Variants in VWC2 observed in about 807,000 individuals in gnomAD.
VWC2 encodes von Willebrand factor C domain containing 2, also known as brorin.
In VWC2, 14 loss-of-function variants were observed where a neutral mutation model predicts 29.8. The observed-to-expected ratio is 0.47, with a 90% CI of 0.31 to 0.74. The LOEUF (loss-of-function observed/expected upper bound fraction) is 0.74. Ranked by LOEUF, VWC2 falls within the 30% of genes least tolerant of loss-of-function variation. The pLI is 0.05. For missense variants in VWC2, 457 were observed against 459.8 expected (o/e 0.99, Z 0.05); for synonymous variants, 213 against 199.0 (o/e 1.07, Z -0.59).
At position 49,904,864 on chromosome 7, in the gene VWC2, T is replaced by G. The variant is rs780593664; in HGVS notation, c.827-7170T>G. ...AATTCTCCTGCCTCAGCCTCCCAAG[T>G]AGCTTGGATTATAGGCACCTGCCAC... On this transcript the variant is annotated intron_variant, in intron 3 of 3. Coordinates refer to ENST00000340652, the MANE Select transcript of VWC2 (RefSeq NM_198570.5). 1.1e-3 allele frequency among the ~76,000 whole-genome samples: 161 copies of G among 151,782 alleles called. 1 individual carries two copies. Among genetic ancestry groups the G allele is most frequent in the Non-Finnish European group, 3.2e-4 (22 of 67,956 alleles).
chr7:49,783,245 G>A (rs1274092500), intron 2 of VWC2, among the ~76,000 whole-genome samples: 1 of 152,092 alleles, frequency 6.6e-6, no homozygotes, highest in Admixed American at 6.5e-5. Flanking sequence ...GATGTGACGG[G>A]AAGTAAATGG....
intron 3 of VWC2, among the ~76,000 whole-genome samples, chr7:49,804,665 A>G (rs569051033): frequency 6.6e-6 from 1 of 152,140 alleles, no homozygotes; most frequent in Non-Finnish European, 1.5e-5. Context: ...GCTTTTAGAG[A>G]AATTTCAAAC....
chr7:49,911,122 C>T (rs138218039), intron 3 of VWC2, among the ~76,000 whole-genome samples: 62 of 152,252 alleles, frequency 4.1e-4, no homozygotes, highest in African/African-American at 1.4e-3. Context: ...ATTAATTAAA[C>T]GAAATGGCTG....
At position 49,802,973 on chromosome 7, in the gene VWC2, C is replaced by T. The variant is rs117121472; in HGVS notation, c.826+133C>T. Reference sequence around the variant, plus strand: ...ATGTATCAATACACATGCGTACACACGTGTGTAATCTTTCAGCCACAGTGG... The same window carrying T: ...ATGTATCAATACACATGCGTACACATGTGTGTAATCTTTCAGCCACAGTGG... On this transcript the variant is annotated intron_variant, in intron 3 of 3. Coordinates refer to ENST00000340652, the MANE Select transcript of VWC2 (RefSeq NM_198570.5). 5,092 of 1,120,648 alleles carry T rather than the reference C, an allele frequency of 4.5e-3. 12 individuals are homozygous for T. The highest frequency in any genetic ancestry group is 5.8e-3 in the Non-Finnish European group (4,662 of 799,408). 69.4% of individuals were successfully genotyped at this position (1,120,648 alleles called of 1,614,324 possible). A position where few individuals can be genotyped will look rare whatever the true frequency, so the allele number is the denominator to read the frequency against.
chr7:49,832,668 G>A (rs940451379), intron 3 of VWC2, among the ~76,000 whole-genome samples: 11 of 152,192 alleles, frequency 7.2e-5, no homozygotes, highest in Non-Finnish European at 1.5e-4. Flanking sequence ...GCACAAGTCT[G>A]TCTATTCTGG....
chr7:49,886,265 G>C (rs550346958), intron 3 of VWC2, among the ~76,000 whole-genome samples: 9 of 152,290 alleles, frequency 5.9e-5, no homozygotes, highest in African/African-American at 2.2e-4. Context: ...ATCACTTTTA[G>C]TAAAAGTCCT....
intron 3 of VWC2, among the ~76,000 whole-genome samples, chr7:49,882,907 A>G (rs146740265): frequency 1.3e-3 from 196 of 151,470 alleles, no homozygotes; most frequent in African/African-American, 4.6e-3. Flanking sequence ...ATTTTCCTCT[A>G]TCTTAAACTC....
chr7:49,794,170 T>C (rs1788529525), intron 2 of VWC2, among the ~76,000 whole-genome samples: 1 of 152,194 alleles, frequency 6.6e-6, no homozygotes, highest in Admixed American at 6.5e-5. Flanking sequence ...AAAGCCCTTT[T>C]GCCCATTTGC....
intron 3 of VWC2, among the ~76,000 whole-genome samples, chr7:49,836,745 A>G (rs1042241008): frequency 6.6e-6 from 1 of 152,142 alleles, no homozygotes; most frequent in Non-Finnish European, 1.5e-5. Flanking sequence ...CCTAGAAAAA[A>G]TCTTTTAGGT....
chr7:49,854,615 C>T (rs1785204885), intron 3 of VWC2, among the ~76,000 whole-genome samples: 1 of 152,096 alleles, frequency 6.6e-6, no homozygotes, highest in African/African-American at 2.4e-5. Context: ...GGATATTAGC[C>T]CTTTGTCAGA....
rs1863376 is a variant in VWC2 at position 49,774,587 on chromosome 7, G to A, written c.-104+474G>A. On this transcript the variant is annotated intron_variant, in intron 1 of 3. Coordinates refer to ENST00000340652, the MANE Select transcript of VWC2 (RefSeq NM_198570.5). ...GGTGCTGCCCGGGCGCTTCTGCTCCGCAGCCAGGACACTACAAGACTGAGC... is the reference window on the plus strand; with the variant it reads ...GGTGCTGCCCGGGCGCTTCTGCTCCACAGCCAGGACACTACAAGACTGAGC... 8.6e-3 allele frequency among the ~76,000 whole-genome samples: 1,310 copies of A among 152,280 alleles called. 10 individuals are homozygous for A. The highest frequency in any genetic ancestry group is 0.018 in the Admixed American group (283 of 15,306).
chr7:49,818,723 A>T (rs892870198), intron 3 of VWC2, among the ~76,000 whole-genome samples: 1 of 151,068 alleles, frequency 6.6e-6, no homozygotes, highest in East Asian at 1.9e-4. Flanking sequence ...TGAAGATAAA[A>T]ATATATATAT....
chr7:49,792,863 G>T (rs896841559), intron 2 of VWC2, among the ~76,000 whole-genome samples: 2 of 152,184 alleles, frequency 1.3e-5, no homozygotes, highest in Non-Finnish European at 2.9e-5. Flanking sequence ...GTACTGTGAT[G>T]TCGGGCAGTC....
At chr7:49,821,536 T>C (rs759704698) in intron 3 of VWC2, among the ~76,000 whole-genome samples, 2 of 152,072 alleles carry the variant, frequency 1.3e-5, no homozygotes, top group Non-Finnish European at 2.9e-5. Flanking sequence ...TTGACTCCAA[T>C]AGCACAAGAA....
At position 49,913,510 on chromosome 7, in the gene VWC2, A is replaced by T. The variant is rs894281984; in HGVS notation, c.*1325A>T. On this transcript the variant is annotated 3_prime_UTR_variant, in exon 4 of 4. Coordinates refer to ENST00000340652, the MANE Select transcript of VWC2 (RefSeq NM_198570.5). ...ATTAATGTCTTTAAAGGATTAAAAT[A>T]TATATAATCATTATTTGAAGCCTCT... 1 of 152,184 alleles carries T rather than the reference A, an allele frequency of 6.6e-6. No homozygotes were observed. The highest frequency in any genetic ancestry group is 1.5e-5 in the Non-Finnish European group (1 of 68,038). 9.4% of individuals were successfully genotyped at this position (152,184 alleles called of 1,614,324 possible). A position where few individuals can be genotyped will look rare whatever the true frequency, so the allele number is the denominator to read the frequency against.
chr7:49,824,043 C>G (rs1418693765), intron 3 of VWC2, among the ~76,000 whole-genome samples: 3 of 152,074 alleles, frequency 2.0e-5, no homozygotes, highest in Non-Finnish European at 4.4e-5. Flanking sequence ...CATTTTCCCT[C>G]AGTCTGTGGC....
At chr7:49,878,150 A>G (rs949269038) in intron 3 of VWC2, among the ~76,000 whole-genome samples, 1 of 151,962 alleles carries the variant, frequency 6.6e-6, no homozygotes, top group Non-Finnish European at 1.5e-5. Flanking sequence ...CCTGGGCCAC[A>G]CTCAGGCTTC....
chr7:49,846,770 T>C (rs1456959969), intron 3 of VWC2, among the ~76,000 whole-genome samples: 1 of 152,194 alleles, frequency 6.6e-6, no homozygotes, highest in Non-Finnish European at 1.5e-5. Flanking sequence ...TTTCCTGATA[T>C]AGGAATGCAT....
chr7:49,920,889 C>A lies in VWC2; in HGVS notation c.*8704C>A, dbSNP rs2128747028. On this transcript the variant is annotated 3_prime_UTR_variant, in exon 4 of 4. Coordinates refer to ENST00000340652, the MANE Select transcript of VWC2 (RefSeq NM_198570.5). ...GCTTTTTGTCTTCATTTCTAATAGACTGTTATAGGGGAAATGTACTAAAAT... is the reference window on the plus strand; with the variant it reads ...GCTTTTTGTCTTCATTTCTAATAGAATGTTATAGGGGAAATGTACTAAAAT... The A allele has an allele frequency of 6.6e-6, 1 of 152,188 alleles. No homozygotes were observed. The highest frequency in any genetic ancestry group is 2.4e-5 in the African/African-American group (1 of 41,524). The allele number at this position is 152,188 out of a possible 1,614,324, so 9.4% of individuals were successfully genotyped here.
Sources: gnomAD v4.1 joint callset for allele counts (sites outside exome capture counted in the v4.1 genomes callset) on GRCh38, gnomAD v4.1.1 for gene constraint, MANE v1.5 for transcripts, NCBI Gene and HGNC (gene_info 2026-07-23, HGNC 2026-07-21) for gene names.